RNGTT: variants seen among roughly 807,000 people sequenced by gnomAD.
The protein encoded by RNGTT is RNA guanylyltransferase and 5'-phosphatase, also known as mRNA-capping enzyme.
RNGTT carries 33 observed loss-of-function variants against 79.3 expected under a neutral mutation model. That is an observed-to-expected ratio of 0.42 (90% CI 0.32 to 0.56). The LOEUF (loss-of-function observed/expected upper bound fraction) is 0.56, where lower values mean the gene tolerates loss of function less well. RNGTT is among the 20% of genes least tolerant of loss of function. RNGTT has a pLI of 0.17. For synonymous variants in RNGTT, 222 were observed against 235.9 expected, an observed-to-expected ratio of 0.94 and a Z score of 0.54; for missense variants, 497 against 739.1, an observed-to-expected ratio of 0.67 and a Z score of 3.80.
At chr6:88,909,666 A>G (rs1365056437) in intron 4 of RNGTT, among the ~76,000 whole-genome samples, 1 of 152,210 alleles carries the variant, frequency 6.6e-6, no homozygotes, top group Non-Finnish European at 1.5e-5. Context: ...AGAGAAAGTC[A>G]TCTCTTACCC....
intron 13 of RNGTT, among the ~76,000 whole-genome samples, chr6:88,757,283 C>G (rs1469575117): frequency 6.6e-6 from 1 of 151,994 alleles, no homozygotes; most frequent in East Asian, 1.9e-4. Context: ...GCAAGCAGGA[C>G]AGGTAGTATT....
intron 1 of RNGTT, among the ~76,000 whole-genome samples, chr6:88,942,606 A>C (rs1784886976): frequency 6.6e-6 from 1 of 152,204 alleles, no homozygotes; most frequent in South Asian, 2.1e-4. Flanking sequence ...CCTAAGCTCA[A>C]GCAATTCGCC....
At chr6:88,782,543 G>C (rs926243123) in intron 12 of RNGTT, among the ~76,000 whole-genome samples, 13 of 150,758 alleles carry the variant, frequency 8.6e-5, no homozygotes, top group African/African-American at 3.2e-4. Context: ...AGCAAAAATA[G>C]ACAAGTGGGA....
At chr6:88,810,062 A>T (rs1238455895) in intron 11 of RNGTT, among the ~76,000 whole-genome samples, 1 of 152,172 alleles carries the variant, frequency 6.6e-6, no homozygotes, top group Non-Finnish European at 1.5e-5. Flanking sequence ...AAGCAAAAAA[A>T]AATTTTTTAC....
At chr6:88,770,164 C>CT (rs1016702776) in intron 12 of RNGTT, among the ~76,000 whole-genome samples, 5 of 151,808 alleles carry the variant, frequency 3.3e-5, no homozygotes, top group Non-Finnish European at 5.9e-5. Context: ...TTTAAAAATG[C>CT]TTTTTTTTCT....
chr6:88,771,965 C>T (rs993500718), intron 12 of RNGTT, among the ~76,000 whole-genome samples: 1 of 151,982 alleles, frequency 6.6e-6, no homozygotes, highest in Non-Finnish European at 1.5e-5. Context: ...ACAGCTTGAG[C>T]CCAGGAGTTC....
At chr6:88,955,074 T>A (rs1420008874) in intron 1 of RNGTT, among the ~76,000 whole-genome samples, 1 of 151,618 alleles carries the variant, frequency 6.6e-6, no homozygotes, top group East Asian at 1.9e-4. Context: ...AATAAATAAA[T>A]AAAAATTAAA....
rs1364985127 is a variant in RNGTT, at chr6:88,777,814, G to A, written c.1339-7940C>T. On this transcript the variant is annotated intron_variant, in intron 12 of 15. Transcript: ENST00000369485. ...TTTTCTTGTCTGATTGCTCTTACTA[G>A]TAGCTCCAGTATTATGTTGAATAGA... Among the ~76,000 whole-genome samples, 6 of 152,180 alleles carry A rather than the reference G, an allele frequency of 3.9e-5. No homozygotes were observed. The East Asian group carries it at 1.2e-3, about 29-fold the overall frequency.
At chr6:88,652,065 G>A (rs1414485636) in intron 14 of RNGTT, among the ~76,000 whole-genome samples, 1 of 152,174 alleles carries the variant, frequency 6.6e-6, no homozygotes, top group Middle Eastern at 3.4e-3. Flanking sequence ...ATTATTAACT[G>A]AGTCAACTAA....
intron 9 of RNGTT, among the ~76,000 whole-genome samples, chr6:88,851,212 A>T (rs1463564250): frequency 2.0e-5 from 3 of 151,898 alleles, no homozygotes; most frequent in Non-Finnish European, 4.4e-5. Flanking sequence ...AAAAAAAAAA[A>T]AATCCTAAAA....
chr6:88,785,432 T>C (rs1199433550), intron 12 of RNGTT, among the ~76,000 whole-genome samples: 1 of 152,170 alleles, frequency 6.6e-6, no homozygotes, highest in Non-Finnish European at 1.5e-5. Context: ...TGTTTTGCTT[T>C]TTCTTCCTTA....
chr6:88,698,574 G>A (rs1295390566), intron 13 of RNGTT, among the ~76,000 whole-genome samples: 1 of 151,512 alleles, frequency 6.6e-6, no homozygotes, highest in East Asian at 1.9e-4. Context: ...AGTATCTCAT[G>A]TAAAATAATT....
intron 13 of RNGTT, among the ~76,000 whole-genome samples, chr6:88,721,259 A>G (rs1485730349): frequency 6.6e-6 from 1 of 152,066 alleles, no homozygotes; most frequent in East Asian, 1.9e-4. Context: ...ACATTCCACC[A>G]CTTGGTGGGC....
At chr6:88,711,578 A>G (rs978129068) in intron 13 of RNGTT, among the ~76,000 whole-genome samples, 10 of 152,226 alleles carry the variant, frequency 6.6e-5, no homozygotes, top group Non-Finnish European at 1.5e-4. Flanking sequence ...TAGACTATCA[A>G]TGTACTTTGG....
At chr6:88,941,211 TAAA>T in intron 1 of RNGTT, 31 bp from the exon 2 acceptor site, 1 of 1,301,532 alleles carries the variant, frequency 7.7e-7, no homozygotes, top group South Asian at 1.3e-5. Flanking sequence ...ATCATTTCCA[TAAA>T]AGGAAATGTT....
chr6:88,771,290 ACTGT>A (rs1444367356), intron 12 of RNGTT, among the ~76,000 whole-genome samples: 16 of 110,048 alleles, frequency 1.5e-4, no homozygotes, highest in African/African-American at 5.3e-4. Context: ...GAAGCACAGG[ACTGT>A]ATGTATGTAT....
intron 13 of RNGTT, among the ~76,000 whole-genome samples, chr6:88,694,465 A>G (rs1431323313): frequency 6.6e-6 from 1 of 152,138 alleles, no homozygotes; most frequent in Non-Finnish European, 1.5e-5. Context: ...GTAAATGGAA[A>G]GATACTCCTT....
At chr6:88,672,238 T>TAC (rs1211131649) in intron 14 of RNGTT, among the ~76,000 whole-genome samples, 4 of 150,336 alleles carry the variant, frequency 2.7e-5, no homozygotes, top group African/African-American at 4.9e-5. Flanking sequence ...CACATATATA[T>TAC]ACACACACAC....
intron 13 of RNGTT, among the ~76,000 whole-genome samples, chr6:88,750,048 T>C (rs764751147): frequency 1.3e-5 from 2 of 152,152 alleles, no homozygotes; most frequent in Non-Finnish European, 2.9e-5. Flanking sequence ...ACATGAGTCA[T>C]TGGATTAAAG....
Sources: gnomAD v4.1 joint callset for allele counts (sites outside exome capture counted in the v4.1 genomes callset) on GRCh38, gnomAD v4.1.1 for gene constraint, MANE v1.5 for transcripts, NCBI Gene and HGNC (gene_info 2026-07-23, HGNC 2026-07-21) for gene names.